DNAJC13: variants seen among roughly 807,000 people sequenced by gnomAD.
DNAJC13 encodes DnaJ heat shock protein family (Hsp40) member C13, also known as dnaJ homolog subfamily C member 13.
A neutral mutation model predicts 290.5 loss-of-function variants in DNAJC13; 75 were observed. That is an observed-to-expected ratio of 0.26 (90% CI 0.21 to 0.31). The LOEUF (loss-of-function observed/expected upper bound fraction) is 0.31. Among genes scored for constraint, DNAJC13 ranks in the 10% least tolerant of loss-of-function variants. DNAJC13 has a pLI of 1.00. For synonymous variants in DNAJC13, 862 were observed against 892.0 expected, an observed-to-expected ratio of 0.97 and a Z score of 0.60; for missense variants, 2,260 against 2,674.5, an observed-to-expected ratio of 0.85 and a Z score of 3.42.
At chr3:132,426,669 T>C (rs1471330899) in intron 1 of DNAJC13, among the ~76,000 whole-genome samples, 1 of 152,192 alleles carries the variant, frequency 6.6e-6, no homozygotes. Flanking sequence ...TCATCATAAA[T>C]AGTGGAAATC....
intron 51 of DNAJC13, 60 bp from the exon 52 acceptor site, chr3:132,525,550 T>G: frequency 2.0e-6 from 3 of 1,531,700 alleles, no homozygotes; most frequent in Non-Finnish European, 2.7e-6. Context: ...TACATTACCT[T>G]GGATATTTAG....
chr3:132,492,596 A>T lies in DNAJC13; in HGVS notation c.3806A>T (p.Asp1269Val), dbSNP rs1935097295. 6.2e-7 allele frequency: 1 copy of T among 1,613,578 alleles called. No homozygotes were observed. The highest frequency in any genetic ancestry group is 1.1e-5 in the South Asian group (1 of 91,052). ...KQLCDTLRFP[D>V]WPIKDPVKLL... ...CTGTGTGATACACTCCGGTTTCCAG[A>T]TTGGCCAATTAAAGACCCGGTAAGT... is the stretch of plus-strand genomic sequence containing the variant. Residue 1269 changes from aspartate to valine, a missense_variant, in exon 33 of 56, where the codon GAT (aspartate) becomes GTT (valine). Around this residue, in one of 3 missense-constraint regions of DNAJC13, gnomAD observed 1,494 missense variants for 1,693.7 expected, o/e 0.88. Transcript: ENST00000260818.
At chr3:132,520,192 T>C (rs1483027619) in intron 48 of DNAJC13, among the ~76,000 whole-genome samples, 1 of 152,220 alleles carries the variant, frequency 6.6e-6, no homozygotes, top group Non-Finnish European at 1.5e-5. Flanking sequence ...ATGTGATCTC[T>C]GTTACAAATA....
At chr3:132,421,118 A>C (rs1312113094) in intron 1 of DNAJC13, among the ~76,000 whole-genome samples, 1 of 152,190 alleles carries the variant, frequency 6.6e-6, no homozygotes, top group Non-Finnish European at 1.5e-5. Context: ...AAAAAGTTAT[A>C]AGATGGAGTG....
chr3:132,521,637 T>C (rs1936093316), intron 48 of DNAJC13, among the ~76,000 whole-genome samples: 1 of 152,190 alleles, frequency 6.6e-6, no homozygotes, highest in East Asian at 1.9e-4. Flanking sequence ...TATACCACAG[T>C]GAGCAGGTCA....
At chr3:132,534,317 T>G (rs1468241105) in intron 55 of DNAJC13, among the ~76,000 whole-genome samples, 1 of 152,192 alleles carries the variant, frequency 6.6e-6, no homozygotes, top group Non-Finnish European at 1.5e-5. Flanking sequence ...TTTAGCGATG[T>G]CAGTTGCTGG....
At chr3:132,422,409 A>C (rs976907389) in intron 1 of DNAJC13, among the ~76,000 whole-genome samples, 3 of 152,156 alleles carry the variant, frequency 2.0e-5, no homozygotes, top group Non-Finnish European at 4.4e-5. Context: ...TTGAATATCT[A>C]GTCTCATCCA....
chr3:132,430,415 C>G (rs970848582), intron 1 of DNAJC13, among the ~76,000 whole-genome samples: 1 of 151,744 alleles, frequency 6.6e-6, no homozygotes. Flanking sequence ...GATCTTTATT[C>G]CTTCTGGGTC....
chr3:132,492,626 A>G lies in DNAJC13; in HGVS notation c.3825+11A>G, dbSNP rs1935098512. On this transcript the variant is annotated intron_variant, in intron 33 of 55. Coordinates refer to ENST00000260818, the MANE Select transcript of DNAJC13 (RefSeq NM_015268.4). The stretch of plus-strand genomic sequence containing the variant: ...CCAATTAAAGACCCGGTAAGTCAGC[A>G]GTTTAATTTGTGCCACCTTAAGCCA... The G allele has an allele frequency of 1.2e-6, 2 of 1,612,276 alleles. No individual in the cohort carries two copies. The highest frequency in any genetic ancestry group is 2.2e-5 in the East Asian group (1 of 44,880).
chr3:132,513,230 C>A, intron 45 of DNAJC13, 131 bp downstream of exon 45: 1 of 697,732 alleles, frequency 1.4e-6, no homozygotes, highest in Non-Finnish European at 2.5e-6. Flanking sequence ...TAAGACACAT[C>A]AATATTTTTT....
chr3:132,499,892 C>G, intron 38 of DNAJC13, 84 bp downstream of exon 38: 1 of 1,269,248 alleles, frequency 7.9e-7, no homozygotes, highest in Non-Finnish European at 1.1e-6. Context: ...AACTGGAGGG[C>G]TCATTAAACT....
At chr3:132,489,444 A>G (rs902269272) in intron 31 of DNAJC13, among the ~76,000 whole-genome samples, 3 of 151,970 alleles carry the variant, frequency 2.0e-5, no homozygotes, top group Admixed American at 6.6e-5. Context: ...AAGCTGCTCC[A>G]TGTTTCATAT....
Position 132,417,780 on chromosome 3 carries a change from C to G in DNAJC13, c.-14+20C>G, listed in dbSNP as rs533403343. On this transcript the variant is annotated intron_variant, in intron 1 of 55. Transcript: ENST00000260818. Reference sequence around the variant, plus strand: ...GCGAAGGTAAAGCCGACTCCGGGCACTGGGCTCTGGGGCTCTGCCTTACTC... The same window carrying G: ...GCGAAGGTAAAGCCGACTCCGGGCAGTGGGCTCTGGGGCTCTGCCTTACTC... 1 of 152,818 alleles carries G rather than the reference C, an allele frequency of 6.5e-6. No individual in the cohort carries two copies. The highest frequency in any genetic ancestry group is 6.5e-5 in the Admixed American group (1 of 15,314). The allele number at this position is 152,818 out of a possible 1,614,324, so 9.5% of individuals were successfully genotyped here.
At chr3:132,478,457 C>T (rs1392825817) in intron 24 of DNAJC13, among the ~76,000 whole-genome samples, 1 of 152,100 alleles carries the variant, frequency 6.6e-6, no homozygotes, top group African/African-American at 2.4e-5. Flanking sequence ...GTTGTATGTA[C>T]CTTTGATTTT....
chr3:132,487,848 C>G (rs1447783492), intron 29 of DNAJC13, among the ~76,000 whole-genome samples: 1 of 151,992 alleles, frequency 6.6e-6, no homozygotes, highest in Non-Finnish European at 1.5e-5. Context: ...CTTGTTTACC[C>G]TCTTGCCTGT....
intron 2 of DNAJC13, among the ~76,000 whole-genome samples, chr3:132,440,800 A>G (rs1178084241): frequency 6.6e-6 from 1 of 152,234 alleles, no homozygotes; most frequent in East Asian, 1.9e-4. Flanking sequence ...GCATGACTGT[A>G]TGTATTATCC....
chr3:132,502,398 G>T lies in DNAJC13; in HGVS notation c.4646G>T (p.Gly1549Val). The change falls in exon 40 of 56, where the codon GGT (glycine) becomes GTT (valine). Residue 1549 changes from glycine (G) to valine (V), a missense_variant. Around this residue, in one of 3 missense-constraint regions of DNAJC13, gnomAD observed 1,494 missense variants for 1,693.7 expected, o/e 0.88. Transcript: ENST00000260818. ...FQAGILWYLL[G>V]FLFNYDYTLE... is the part of the protein sequence containing the mutation. ...GCTGGAATTTTGTGGTATCTCCTTG[G>T]TTTTCTGTTTAATTATGACTACACA... 1 of 1,613,948 alleles carries T rather than the reference G, an allele frequency of 6.2e-7. No individual in the cohort carries two copies. Among genetic ancestry groups the T allele is most frequent in the Non-Finnish European group, 8.5e-7 (1 of 1,179,950 alleles).
intron 20 of DNAJC13, among the ~76,000 whole-genome samples, chr3:132,470,259 C>G (rs1279201737): frequency 2.9e-4 from 14 of 48,162 alleles, no homozygotes; most frequent in African/African-American, 1.2e-3. Context: ...TCCATTTAAC[C>G]CTGAGTGGAC....
intron 2 of DNAJC13, among the ~76,000 whole-genome samples, chr3:132,438,718 C>T (rs917177542): frequency 7.2e-5 from 11 of 152,200 alleles, no homozygotes; most frequent in Non-Finnish European, 1.5e-4. Flanking sequence ...TAGTAGTTTT[C>T]ATTATTACCT....
Sources: gnomAD v4.1 joint callset for allele counts (sites outside exome capture counted in the v4.1 genomes callset) on GRCh38, gnomAD v4.1.1 for gene constraint, gnomAD v4.1.1 regional missense constraint, MANE v1.5 for transcripts, NCBI Gene and HGNC (gene_info 2026-07-23, HGNC 2026-07-21) for gene names.